Variants in CPEB3 observed in about 807,000 individuals in gnomAD.
CPEB3 encodes the protein cytoplasmic polyadenylation element-binding protein 3.
A neutral mutation model predicts 67.2 loss-of-function variants in CPEB3; 20 were observed. The ratio of observed to expected loss-of-function variants is 0.30; its 90% confidence interval spans 0.21 to 0.43. The LOEUF is 0.43. Among genes scored for constraint, CPEB3 ranks in the 20% least tolerant of loss-of-function variants. The pLI is 1.00. For synonymous variants in CPEB3, 376 were observed against 393.1 expected (o/e 0.96, Z 0.51); for missense variants, 746 against 968.6 (o/e 0.77, Z 3.05).
chr10:92,107,082 G>GA (rs1844510983), intron 7 of CPEB3, among the ~76,000 whole-genome samples: 1 of 152,110 alleles, frequency 6.6e-6, no homozygotes, highest in African/African-American at 2.4e-5. Context: ...TATACAAACA[G>GA]GGGGAGGAGG....
At chr10:92,184,799 AT>A (rs1454444830) in intron 3 of CPEB3, among the ~76,000 whole-genome samples, 1 of 152,168 alleles carries the variant, frequency 6.6e-6, no homozygotes, top group Non-Finnish European at 1.5e-5. Flanking sequence ...ATATATTTTC[AT>A]TGGAGAAAAA....
chr10:92,151,714 C>A (rs1212590181), intron 4 of CPEB3, among the ~76,000 whole-genome samples: 3 of 152,180 alleles, frequency 2.0e-5, no homozygotes, highest in Non-Finnish European at 2.9e-5. Context: ...TGTGGCATTA[C>A]AATTCACCCA....
chr10:92,114,703 C>T (rs1011572047), intron 6 of CPEB3, among the ~76,000 whole-genome samples: 2 of 152,178 alleles, frequency 1.3e-5, no homozygotes, highest in African/African-American at 2.4e-5. Context: ...AGTGATTAAG[C>T]GACTTGTTCA....
At chr10:92,263,239 C>T (rs910808011) in intron 1 of CPEB3, among the ~76,000 whole-genome samples, 1 of 152,140 alleles carries the variant, frequency 6.6e-6, no homozygotes, top group African/African-American at 2.4e-5. Context: ...CCACACCTGG[C>T]AAATTTTTGT....
chr10:92,077,256 C>A (rs1312152847), intron 9 of CPEB3, among the ~76,000 whole-genome samples: 1 of 152,006 alleles, frequency 6.6e-6, no homozygotes, highest in African/African-American at 2.4e-5. Flanking sequence ...ATGAATGAAC[C>A]TAAAAATGTA....
In CPEB3 at chr10:92,239,235, C is replaced by G; in HGVS notation, c.1005+111G>C. 7 of 1,203,230 alleles carry G rather than the reference C, an allele frequency of 5.8e-6. No homozygotes were observed. Among genetic ancestry groups the G allele is most frequent in the South Asian group, 2.9e-5 (2 of 68,522 alleles). The allele number at this position is 1,203,230 out of a possible 1,614,324, so 74.5% of individuals were successfully genotyped here. The stretch of plus-strand genomic sequence containing the variant: ...GAGGCTTCGGAAGGGGAAAGAGGAG[C>G]TGGACATTGCTGCCCTTTTTAAATA... On this transcript the variant is annotated intron_variant, in intron 2 of 9. Coordinates refer to ENST00000265997, the MANE Select transcript of CPEB3 (RefSeq NM_014912.5). The surrounding 1 kb of genome is among the most constrained non-coding windows in gnomAD (Gnocchi z 6.0).
chr10:92,124,046 A>C (rs998795168), intron 6 of CPEB3, among the ~76,000 whole-genome samples: 4 of 152,196 alleles, frequency 2.6e-5, no homozygotes, highest in Admixed American at 6.5e-5. Flanking sequence ...TCTCTGCCTC[A>C]GTCTGCCAAA....
intron 9 of CPEB3, among the ~76,000 whole-genome samples, chr10:92,058,592 C>CATATAT (rs58100356): frequency 1.4e-5 from 2 of 140,384 alleles, no homozygotes; most frequent in African/African-American, 5.8e-5. Flanking sequence ...TACATACATA[C>CATATAT]ATATATATAT....
chr10:92,162,640 C>T (rs1847543531), intron 4 of CPEB3, among the ~76,000 whole-genome samples: 1 of 152,050 alleles, frequency 6.6e-6, no homozygotes, highest in African/African-American at 2.4e-5. Flanking sequence ...AAGAATTATT[C>T]CAAAAGTGGA....
intron 9 of CPEB3, 81 bp downstream of exon 9, chr10:92,081,239 T>C (rs1843140596): frequency 2.1e-6 from 3 of 1,456,636 alleles, no homozygotes; most frequent in Non-Finnish European, 1.9e-6. Flanking sequence ...CTTATGATCA[T>C]AAGGTGCCTT....
intron 2 of CPEB3, among the ~76,000 whole-genome samples, chr10:92,215,836 C>A (rs1850351017): frequency 6.7e-6 from 1 of 149,040 alleles, no homozygotes; most frequent in Admixed American, 6.8e-5. Context: ...GCAACTTCCA[C>A]CTCCCAGGTT....
chr10:92,251,949 A>G (rs1332678789), intron 1 of CPEB3, among the ~76,000 whole-genome samples: 2 of 151,810 alleles, frequency 1.3e-5, no homozygotes, highest in African/African-American at 4.8e-5. Flanking sequence ...TCAAAAAGAA[A>G]AAAAAAAAAA....
chr10:92,155,189 A>C (rs1373174856), intron 4 of CPEB3, among the ~76,000 whole-genome samples: 1 of 152,234 alleles, frequency 6.6e-6, no homozygotes, highest in East Asian at 1.9e-4. Flanking sequence ...AGCCTGGGCG[A>C]CAAAGTGAGA....
At chr10:92,065,174 C>T (rs987199340) in intron 9 of CPEB3, among the ~76,000 whole-genome samples, 1 of 152,088 alleles carries the variant, frequency 6.6e-6, no homozygotes, top group Admixed American at 6.6e-5. Flanking sequence ...AAGAAGGTTG[C>T]AAATATATGA....
chr10:92,274,308 CCA>C (rs1214253660), intron 1 of CPEB3, among the ~76,000 whole-genome samples: 1 of 152,146 alleles, frequency 6.6e-6, no homozygotes, highest in African/African-American at 2.4e-5. Context: ...CAATCTCCTC[CCA>C]GTTATGGCAT....
chr10:92,079,300 C>G (rs745812153), intron 9 of CPEB3, among the ~76,000 whole-genome samples: 1 of 152,128 alleles, frequency 6.6e-6, no homozygotes, highest in East Asian at 1.9e-4. Context: ...ATGACTAAAT[C>G]GAGCAATGGG....
chr10:92,137,339 C>A, intron 6 of CPEB3: 1 of 885,448 alleles, frequency 1.1e-6, no homozygotes, highest in Non-Finnish European at 1.7e-6. Context: ...GGCCATATAT[C>A]TGATATGCTT....
At chr10:92,113,278 A>G (rs529663353) in intron 6 of CPEB3, among the ~76,000 whole-genome samples, 2 of 152,362 alleles carry the variant, frequency 1.3e-5, no homozygotes, top group South Asian at 4.1e-4. Context: ...CAATACATAC[A>G]TCATTTCTTC....
At chr10:92,117,744 GTT>G (rs140221479) in intron 6 of CPEB3, among the ~76,000 whole-genome samples, 1,854 of 150,040 alleles carry the variant, frequency 0.012, 123 homozygotes, top group Admixed American at 0.11. Flanking sequence ...AATTTTTCAT[GTT>G]TTTTTTTTAA....
Sources: gnomAD v4.1 joint callset for allele counts (sites outside exome capture counted in the v4.1 genomes callset) on GRCh38, gnomAD v4.1.1 for gene constraint, Gnocchi (gnomAD v3.1) non-coding constraint, MANE v1.5 for transcripts, NCBI Gene and HGNC (gene_info 2026-07-23, HGNC 2026-07-21) for gene names.